The following ATRNL1 variants were observed in gnomAD, a reference collection of about 807,000 sequenced individuals.
The protein encoded by ATRNL1 is attractin like 1, also known as attractin-like protein 1.
A neutral mutation model predicts 182.7 loss-of-function variants in ATRNL1; 95 were observed. That is an observed-to-expected ratio of 0.52 (90% CI 0.44 to 0.62). The LOEUF is 0.62. Ranked by LOEUF, ATRNL1 falls within the 20% of genes least tolerant of loss-of-function variation. The pLI is 0.00. For missense variants in ATRNL1, 1,471 were observed against 1,679.5 expected (o/e 0.88, Z 2.17); for synonymous variants, 576 against 568.3 (o/e 1.01, Z -0.19).
chr10:115,897,672 C>A (rs1233385470), intron 28 of ATRNL1, among the ~76,000 whole-genome samples: 4 of 152,222 alleles, frequency 2.6e-5, no homozygotes, highest in Admixed American at 2.6e-4. Context: ...TCAGGGAATG[C>A]TGAGCCCAGG....
chr10:115,946,639 C>G lies in ATRNL1; in HGVS notation c.*1860C>G, dbSNP rs1006091705. On this transcript the variant is annotated 3_prime_UTR_variant, in exon 29 of 29. Transcript: ENST00000355044. ...GGGAGGCCACTGGTTGTTTCTACTT[C>G]CCTGTGATATTTTCTCTCTCATTAA... 1 of 152,014 alleles carries G rather than the reference C, an allele frequency of 6.6e-6. No individual in the cohort carries two copies. The highest frequency in any genetic ancestry group is 2.4e-5 in the African/African-American group (1 of 41,390). The allele number at this position is 152,014 out of a possible 1,614,324, so 9.4% of individuals were successfully genotyped here.
Position 115,199,096 on chromosome 10 carries a change from T to C in ATRNL1, c.1349-16601T>C, listed in dbSNP as rs548655463. 5.3e-5 allele frequency among the ~76,000 whole-genome samples: 8 copies of C among 152,264 alleles called. No homozygotes were observed. In the East Asian group the frequency reaches 1.5e-3, roughly 29 times the overall value. On this transcript the variant is annotated intron_variant, in intron 8 of 28. Transcript: ENST00000355044. ...TGAATCTGTAGATCACTGTGGGAAG[T>C]ATGGATATTATAACAATATTAATTT... is the stretch of plus-strand genomic sequence containing the variant.
intron 4 of ATRNL1, 38 bp from the exon 5 acceptor site, chr10:115,129,289 T>C (rs1372579225): frequency 5.9e-6 from 9 of 1,535,790 alleles, no homozygotes; most frequent in Non-Finnish European, 7.2e-6. Context: ...CTTTTTCAAT[T>C]ACCTTGAATC....
Position 115,746,178 on chromosome 10 carries a change from G to A in ATRNL1, c.3903+18823G>A, listed in dbSNP as rs184436985. ...TTTCATCTTTATGCTCTCTCACCCC[G>A]AACTTCAGCATTGATTATTTTGAAG... On this transcript the variant is annotated intron_variant, in intron 27 of 28. Coordinates refer to ENST00000355044, the MANE Select transcript of ATRNL1 (RefSeq NM_207303.4). Among the ~76,000 whole-genome samples, 534 of 152,064 alleles carry A rather than the reference G, an allele frequency of 3.5e-3. 5 individuals are homozygous for A. Among genetic ancestry groups the A allele is most frequent in the Middle Eastern group, 0.02 (6 of 294 alleles).
chr10:115,764,443 A>T (rs1948807208), intron 27 of ATRNL1, among the ~76,000 whole-genome samples: 1 of 152,124 alleles, frequency 6.6e-6, no homozygotes, highest in South Asian at 2.1e-4. Flanking sequence ...TGCCCTAAAA[A>T]TTCTCTGTAC....
At chr10:115,605,416 C>T (rs1383413310) in intron 26 of ATRNL1, among the ~76,000 whole-genome samples, 1 of 152,006 alleles carries the variant, frequency 6.6e-6, no homozygotes, top group Non-Finnish European at 1.5e-5. Context: ...ATAGAAATTT[C>T]TGTAACTACA....
chr10:115,700,240 T>G (rs1946689735), intron 26 of ATRNL1, among the ~76,000 whole-genome samples: 1 of 151,916 alleles, frequency 6.6e-6, no homozygotes, highest in Non-Finnish European at 1.5e-5. Flanking sequence ...TAGTTCTGTT[T>G]TAAGTTCTTT....
intron 8 of ATRNL1, among the ~76,000 whole-genome samples, chr10:115,187,684 T>A (rs535672797): frequency 1.3e-5 from 2 of 149,100 alleles, no homozygotes; most frequent in Non-Finnish European, 3.0e-5. Flanking sequence ...TTTTTTTTTT[T>A]TTTTTTCTTT....
At chr10:115,366,807 G>A in intron 19 of ATRNL1, among the ~76,000 whole-genome samples, 1 of 148,504 alleles carries the variant, frequency 6.7e-6, no homozygotes. Flanking sequence ...TGAAATTCTG[G>A]GTTGAAAATT....
At chr10:115,308,011 G>A (rs1853822337) in intron 17 of ATRNL1, among the ~76,000 whole-genome samples, 1 of 152,010 alleles carries the variant, frequency 6.6e-6, no homozygotes, top group African/African-American at 2.4e-5. Flanking sequence ...ACTTTGTATT[G>A]GAAGTGGTCT....
chr10:115,902,952 C>G lies in ATRNL1; in HGVS notation c.4019-41706C>G, dbSNP rs138040870. On this transcript the variant is annotated intron_variant, in intron 28 of 28. Transcript: ENST00000355044. ...AGGAAGCCCAGCTGTCCGTGTCAAG[C>G]TGATCTTTTGACACATCTTTCCAGA... 2.7e-3 allele frequency among the ~76,000 whole-genome samples: 411 copies of G among 152,300 alleles called. 1 individual carries two copies. The highest frequency in any genetic ancestry group is 9.5e-3 in the African/African-American group (396 of 41,564).
intron 5 of ATRNL1, among the ~76,000 whole-genome samples, chr10:115,135,831 C>G (rs1295857513): frequency 6.6e-6 from 1 of 152,002 alleles, no homozygotes; most frequent in African/African-American, 2.4e-5. Context: ...GCTTAACCTA[C>G]CTGGTCTTGT....
intron 27 of ATRNL1, among the ~76,000 whole-genome samples, chr10:115,810,108 T>C (rs1284668911): frequency 1.3e-5 from 2 of 151,970 alleles, no homozygotes; most frequent in East Asian, 1.9e-4. Context: ...GTTTTTCCAA[T>C]GTCAAATTGA....
intron 26 of ATRNL1, among the ~76,000 whole-genome samples, chr10:115,614,562 A>C (rs1555020169): frequency 6.6e-6 from 1 of 152,120 alleles, no homozygotes. Context: ...ATGCAATTTA[A>C]GTCTGATGAT....
At chr10:115,909,621 T>TAAAAAAA (rs3031110) in intron 28 of ATRNL1, 2 of 125,268 alleles carry the variant, frequency 1.6e-5, no homozygotes, top group Non-Finnish European at 1.6e-5. Context: ...TTGATAATGT[T>TAAAAAAA]AAAAAAAAAA....
intron 26 of ATRNL1, among the ~76,000 whole-genome samples, chr10:115,640,936 G>A (rs949693988): frequency 6.6e-6 from 1 of 152,170 alleles, no homozygotes; most frequent in South Asian, 2.1e-4. Context: ...TCCATCTTGA[G>A]TTAATTTTTG....
In ATRNL1 at chr10:115,268,349, A is replaced by C. The variant is rs1851695617; in HGVS notation, c.2005A>C (p.Arg669=). 3 of 1,612,692 alleles carry C rather than the reference A, an allele frequency of 1.9e-6. No homozygotes were observed. The highest frequency in any genetic ancestry group is 2.5e-6 in the Non-Finnish European group (3 of 1,178,942). Residue 669 remains arginine (R), a synonymous_variant, in exon 13 of 29, where the codon AGA becomes CGA. Coordinates refer to ENST00000355044, the MANE Select transcript of ATRNL1 (RefSeq NM_207303.4). The stretch of plus-strand genomic sequence containing the variant: ...AGCTGCTTCTGATGACAGATGTTAC[A>C]GATATGCAGATTGTGCCAGCTGTAC... ...KTAASDDRCY[R]YADCASCTAN...
chr10:115,139,312 C>A (rs567312256), intron 5 of ATRNL1, among the ~76,000 whole-genome samples: 1 of 152,188 alleles, frequency 6.6e-6, no homozygotes, highest in Non-Finnish European at 1.5e-5. Flanking sequence ...TTTTCAGCCG[C>A]GCTCCACTCT....
chr10:115,503,812 A>G (rs1197067661), intron 24 of ATRNL1, among the ~76,000 whole-genome samples: 1 of 151,876 alleles, frequency 6.6e-6, no homozygotes, highest in African/African-American at 2.4e-5. Context: ...ATTTTATTAT[A>G]GGACTAAATC....
Sources: allele counts gnomAD v4.1 joint callset (sites outside exome capture counted in the v4.1 genomes callset), GRCh38; gene constraint gnomAD v4.1.1; transcripts MANE v1.5; gene names NCBI Gene and HGNC (gene_info 2026-07-23, HGNC 2026-07-21).